RPRD1B: variants seen among roughly 807,000 people sequenced by gnomAD.
RPRD1B encodes the protein regulation of nuclear pre-mRNA domain-containing protein 1B.
A neutral mutation model predicts 41.5 loss-of-function variants in RPRD1B; 11 were observed. That is an observed-to-expected ratio of 0.27 (90% CI 0.17 to 0.44). RPRD1B has a LOEUF of 0.44. Among genes scored for constraint, RPRD1B ranks in the 20% least tolerant of loss-of-function variants. The probability of loss-of-function intolerance (pLI) is 1.00; values close to 1 mark genes in which losing one functional copy is unlikely to be tolerated. For synonymous variants in RPRD1B, 158 were observed against 155.6 expected, an observed-to-expected ratio of 1.02 and a Z score of -0.12; for missense variants, 248 against 389.9, an observed-to-expected ratio of 0.64 and a Z score of 3.06.
intron 5 of RPRD1B, among the ~76,000 whole-genome samples, chr20:38,060,689 C>T (rs757333491): frequency 2.0e-5 from 3 of 152,096 alleles, no homozygotes; most frequent in Non-Finnish European, 4.4e-5. Context: ...GAACACAGCT[C>T]GGAGGCCTTG....
At chr20:38,070,459 C>G (rs1600426501) in intron 6 of RPRD1B, 11 of 985,492 alleles carry the variant, frequency 1.1e-5, no homozygotes, top group African/African-American at 1.0e-4. Flanking sequence ...ACCAGAAAAG[C>G]CTTCCAGCTT....
At position 38,088,131 on chromosome 20, in the gene RPRD1B, C is replaced by T. The variant is rs117011964; in HGVS notation, c.832-1595C>T. Among the ~76,000 whole-genome samples, 40 of 152,272 alleles carry T rather than the reference C, an allele frequency of 2.6e-4. No individual in the cohort carries two copies. In the East Asian group the frequency reaches 6.6e-3, roughly 25 times the overall value. The stretch of plus-strand genomic sequence containing the variant: ...TAGACTGTGTGAGGAGCTCTCATTG[C>T]GGGTGGGAGACTGATTGCCTGCAGT... On this transcript the variant is annotated intron_variant, in intron 6 of 6. Coordinates refer to ENST00000373433, the MANE Select transcript of RPRD1B (RefSeq NM_021215.4).
Position 38,092,160 on chromosome 20 carries a change from C to G in RPRD1B, c.*2285C>G. 1.0e-6 allele frequency: 1 copy of G among 985,662 alleles called. No individual in the cohort carries two copies. Among genetic ancestry groups the G allele is most frequent in the Non-Finnish European group, 1.2e-6 (1 of 829,884 alleles). The allele number at this position is 985,662 out of a possible 1,614,324, so 61.1% of individuals were successfully genotyped here. ...AGGGCATCTGTAGGCCTCAAAGGAC[C>G]TTTCCTTTAGGTCATATTCCTCAGA... On this transcript the variant is annotated 3_prime_UTR_variant, in exon 7 of 7. Coordinates refer to ENST00000373433, the MANE Select transcript of RPRD1B (RefSeq NM_021215.4).
chr20:38,065,527 C>T (rs2074345997), intron 5 of RPRD1B, among the ~76,000 whole-genome samples: 1 of 152,222 alleles, frequency 6.6e-6, no homozygotes, highest in Non-Finnish European at 1.5e-5. Flanking sequence ...TTTAAATACT[C>T]TCTAGATTAC....
Position 38,070,738 on chromosome 20 carries a change from A to T in RPRD1B, c.831+4482A>T, listed in dbSNP as rs372057388. ...CTGCAGTTTTCCCTTCTTAACTGTG[A>T]TTTTTTTTTTTTTTTTTTTGAGACA... is the stretch of plus-strand genomic sequence containing the variant. On this transcript the variant is annotated intron_variant, in intron 6 of 6. Transcript: ENST00000373433. 1,524 of 892,834 alleles carry T rather than the reference A, an allele frequency of 1.7e-3. 2 individuals carry two copies. Among genetic ancestry groups the T allele is most frequent in the Admixed American group, 4.0e-3 (54 of 13,576 alleles). The allele number at this position is 892,834 out of a possible 1,614,324, so 55.3% of individuals were successfully genotyped here. A position where few individuals can be genotyped will look rare whatever the true frequency, so the allele number is the denominator to read the frequency against.
At chr20:38,059,351 C>T (rs1227655477) in intron 4 of RPRD1B, 43 bp from the exon 5 acceptor site, 3 of 1,553,152 alleles carry the variant, frequency 1.9e-6, no homozygotes, top group Middle Eastern at 3.4e-4. Flanking sequence ...TCTTTAAACC[C>T]CATGTCTTAA....
Position 38,090,228 on chromosome 20 carries a change from C to G in RPRD1B, c.*353C>G, listed in dbSNP as rs142781388. Reference sequence around the variant, plus strand: ...GGAAGCTTTCGAAAGAATCTTGTCCCTCATGACAGCATTTTATCATGAAAG... The same window carrying G: ...GGAAGCTTTCGAAAGAATCTTGTCCGTCATGACAGCATTTTATCATGAAAG... On this transcript the variant is annotated 3_prime_UTR_variant, in exon 7 of 7. Coordinates refer to ENST00000373433, the MANE Select transcript of RPRD1B (RefSeq NM_021215.4). 1 of 1,000,366 alleles carries G rather than the reference C, an allele frequency of 1.0e-6. No individual in the cohort carries two copies. Among genetic ancestry groups the G allele is most frequent in the Non-Finnish European group, 1.2e-6 (1 of 839,510 alleles). 62.0% of individuals were successfully genotyped at this position (1,000,366 alleles called of 1,614,324 possible).
At chr20:38,053,824 T>G (rs2074213098) in intron 3 of RPRD1B, among the ~76,000 whole-genome samples, 1 of 152,256 alleles carries the variant, frequency 6.6e-6, no homozygotes, top group African/African-American at 2.4e-5. Context: ...ACATATCATG[T>G]GTACATTGTA....
intron 6 of RPRD1B, among the ~76,000 whole-genome samples, chr20:38,069,786 A>T (rs2074393688): frequency 6.6e-6 from 1 of 152,244 alleles, no homozygotes; most frequent in Non-Finnish European, 1.5e-5. Context: ...ACCAAGAAAA[A>T]AATGAAGATG....
intron 1 of RPRD1B, among the ~76,000 whole-genome samples, chr20:38,038,307 ATTTT>A (rs557260550): frequency 1.5e-5 from 2 of 134,890 alleles, no homozygotes; most frequent in Non-Finnish European, 1.6e-5. Context: ...CTGTAGCTAC[ATTTT>A]TTTTTTTTTT....
At chr20:38,050,862 ATG>A (rs1766031745) in intron 3 of RPRD1B, among the ~76,000 whole-genome samples, 1 of 152,220 alleles carries the variant, frequency 6.6e-6, no homozygotes, top group African/African-American at 2.4e-5. Context: ...AGATTTCAAC[ATG>A]TGTGTTAGTC....
intron 6 of RPRD1B, among the ~76,000 whole-genome samples, chr20:38,069,576 T>C (rs1272023078): frequency 1.3e-5 from 2 of 152,196 alleles, no homozygotes; most frequent in East Asian, 3.8e-4. Context: ...GTCTGTGCTC[T>C]TTAAGAAGCT....
intron 6 of RPRD1B, among the ~76,000 whole-genome samples, chr20:38,077,431 G>T (rs2074474070): frequency 6.6e-6 from 1 of 152,028 alleles, no homozygotes; most frequent in Admixed American, 6.5e-5. Flanking sequence ...TTGGAGAGTG[G>T]CAGTGCCATC....
intron 6 of RPRD1B, among the ~76,000 whole-genome samples, chr20:38,071,739 G>A (rs2074415531): frequency 6.6e-6 from 1 of 152,110 alleles, no homozygotes; most frequent in African/African-American, 2.4e-5. Flanking sequence ...ACATGTGCAG[G>A]TTTATCTCAT....
intron 5 of RPRD1B, among the ~76,000 whole-genome samples, chr20:38,062,595 A>ATATCCTG (rs1453003055): frequency 6.6e-6 from 1 of 152,048 alleles, no homozygotes; most frequent in Non-Finnish European, 1.5e-5. Flanking sequence ...CCAGCATCTG[A>ATATCCTG]TATCCTGTCA....
chr20:38,084,391 C>T (rs768947075), intron 6 of RPRD1B, among the ~76,000 whole-genome samples: 11 of 152,164 alleles, frequency 7.2e-5, no homozygotes, highest in Non-Finnish European at 1.0e-4. Flanking sequence ...TGGAGATTTC[C>T]AGGAGTCCTC....
chr20:38,090,639 C>G lies in RPRD1B; in HGVS notation c.*764C>G, dbSNP rs1158171173. On this transcript the variant is annotated 3_prime_UTR_variant, in exon 7 of 7. Coordinates refer to ENST00000373433, the MANE Select transcript of RPRD1B (RefSeq NM_021215.4). The stretch of plus-strand genomic sequence containing the variant: ...CACTTCTCCACTGTCGGAGCACGTT[C>G]CGAAAAACAGAATGCCTTGATCCCT... 5 of 985,372 alleles carry G rather than the reference C, an allele frequency of 5.1e-6. No individual in the cohort carries two copies. In the African/African-American group the frequency reaches 7.0e-5, roughly 14 times the overall value. 61.0% of individuals were successfully genotyped at this position (985,372 alleles called of 1,614,324 possible). A position where few individuals can be genotyped will look rare whatever the true frequency, so the allele number is the denominator to read the frequency against.
intron 3 of RPRD1B, among the ~76,000 whole-genome samples, chr20:38,055,625 A>G (rs997962032): frequency 7.2e-5 from 11 of 152,038 alleles, no homozygotes; most frequent in Non-Finnish European, 1.3e-4. Context: ...TAACTCCACT[A>G]ATATGCCATT....
chr20:38,035,913 C>T (rs1040880392), intron 1 of RPRD1B, among the ~76,000 whole-genome samples: 49 of 151,908 alleles, frequency 3.2e-4, no homozygotes, highest in African/African-American at 1.0e-3. Flanking sequence ...TACAGGGGCC[C>T]GCCACCACAC....
Sources: allele counts gnomAD v4.1 joint callset (sites outside exome capture counted in the v4.1 genomes callset), GRCh38; gene constraint gnomAD v4.1.1; transcripts MANE v1.5; gene names NCBI Gene and HGNC (gene_info 2026-07-23, HGNC 2026-07-21).